The following B3GALT1 variants were observed in gnomAD, a reference collection of about 807,000 sequenced individuals.
B3GALT1 encodes UDP-Gal:betaGlcNAc beta 1,3-galactosyltransferase, polypeptide 1.
In B3GALT1, 10 loss-of-function variants were observed where a neutral mutation model predicts 23.2. The ratio of observed to expected loss-of-function variants is 0.43; its 90% CI spans 0.27 to 0.73. The LOEUF is 0.73. Ranked by LOEUF, B3GALT1 falls within the 30% of genes least tolerant of loss-of-function variation. B3GALT1 has a pLI of 0.21. For synonymous variants in B3GALT1, 156 were observed against 141.5 expected, an observed-to-expected ratio of 1.10 and a Z score of -0.73; for missense variants, 299 against 405.4, an observed-to-expected ratio of 0.74 and a Z score of 2.25.
chr2:167,684,754 T>C (rs1314246756), intron 3 of B3GALT1, among the ~76,000 whole-genome samples: 1 of 152,240 alleles, frequency 6.6e-6, no homozygotes, highest in African/African-American at 2.4e-5. Context: ...TGGAATTCTT[T>C]AACTTGAATA....
intron 3 of B3GALT1, among the ~76,000 whole-genome samples, chr2:167,808,690 G>A (rs575080934): frequency 0.01 from 1,579 of 151,760 alleles, 37 homozygotes; most frequent in South Asian, 0.023. Context: ...TGGGTAACCT[G>A]ACCTTTCTCT....
intron 1 of B3GALT1, among the ~76,000 whole-genome samples, chr2:167,306,205 A>G (rs1346854765): frequency 6.6e-6 from 1 of 152,080 alleles, no homozygotes; most frequent in East Asian, 1.9e-4. Context: ...CAATAGACTT[A>G]TGCACATACA....
intron 1 of B3GALT1, among the ~76,000 whole-genome samples, chr2:167,384,954 C>T (rs1697904909): frequency 6.6e-6 from 1 of 152,032 alleles, no homozygotes; most frequent in South Asian, 2.1e-4. Context: ...AAATCATCAG[C>T]AGTGTCCTCA....
intron 3 of B3GALT1, among the ~76,000 whole-genome samples, chr2:167,812,419 A>T (rs1688907741): frequency 6.6e-6 from 1 of 152,372 alleles, no homozygotes; most frequent in East Asian, 1.9e-4. Context: ...ACAAGGATCT[A>T]TCCCATTGTT....
At chr2:167,712,864 A>G (rs1687084089) in intron 3 of B3GALT1, among the ~76,000 whole-genome samples, 3 of 152,212 alleles carry the variant, frequency 2.0e-5, no homozygotes, top group Non-Finnish European at 4.4e-5. Context: ...AGAGATTTAG[A>G]AAAATAATGC....
intron 1 of B3GALT1, among the ~76,000 whole-genome samples, chr2:167,447,138 G>A (rs906112374): frequency 2.6e-5 from 4 of 152,196 alleles, no homozygotes; most frequent in African/African-American, 9.6e-5. Flanking sequence ...TCCAGACCCT[G>A]TTTGCCTGGG....
chr2:167,574,792 A>T (rs1684354596), intron 2 of B3GALT1, among the ~76,000 whole-genome samples: 1 of 151,790 alleles, frequency 6.6e-6, no homozygotes. Context: ...AAGAACAGAA[A>T]TGTTCTCTCT....
chr2:167,667,767 C>A (rs975543302), intron 3 of B3GALT1, among the ~76,000 whole-genome samples: 1 of 152,194 alleles, frequency 6.6e-6, no homozygotes, highest in Non-Finnish European at 1.5e-5. Flanking sequence ...GCATTCTTCA[C>A]GTAGTTCTCG....
chr2:167,651,667 T>C (rs1376695043), intron 3 of B3GALT1, among the ~76,000 whole-genome samples: 3 of 152,190 alleles, frequency 2.0e-5, no homozygotes, highest in Non-Finnish European at 4.4e-5. Context: ...AGACATGTTC[T>C]GTAAAAGATT....
intron 3 of B3GALT1, among the ~76,000 whole-genome samples, chr2:167,783,543 T>A (rs1169921182): frequency 1.3e-5 from 2 of 152,196 alleles, no homozygotes; most frequent in Admixed American, 1.3e-4. Context: ...CCACACAATT[T>A]TTTACCCTGA....
At chr2:167,347,276 G>T (rs999678084) in intron 1 of B3GALT1, among the ~76,000 whole-genome samples, 10 of 152,130 alleles carry the variant, frequency 6.6e-5, no homozygotes, top group East Asian at 3.9e-4. Flanking sequence ...GTCGAAAGGG[G>T]TATCTTTAAG....
At chr2:167,475,254 C>T (rs951032012) in intron 1 of B3GALT1, among the ~76,000 whole-genome samples, 1 of 152,088 alleles carries the variant, frequency 6.6e-6, no homozygotes, top group Non-Finnish European at 1.5e-5. Flanking sequence ...CCAGCATATC[C>T]ACACTGGAGA....
At chr2:167,447,964 C>G (rs143257479) in intron 1 of B3GALT1, among the ~76,000 whole-genome samples, 1 of 152,182 alleles carries the variant, frequency 6.6e-6, no homozygotes, top group South Asian at 2.1e-4. Context: ...TAGACTGGAG[C>G]TGTTCCTATT....
At chr2:167,456,919 T>C (rs1164673369) in intron 1 of B3GALT1, among the ~76,000 whole-genome samples, 1 of 152,130 alleles carries the variant, frequency 6.6e-6, no homozygotes, top group Non-Finnish European at 1.5e-5. Context: ...TCATTGGTAA[T>C]TAACTCAAAC....
intron 1 of B3GALT1, among the ~76,000 whole-genome samples, chr2:167,451,777 C>G (rs971971606): frequency 1.3e-5 from 2 of 152,162 alleles, no homozygotes; most frequent in African/African-American, 4.8e-5. Context: ...TCTTTGGCTA[C>G]CAGGGCGGGT....
At chr2:167,406,135 C>G (rs1330682883) in intron 1 of B3GALT1, among the ~76,000 whole-genome samples, 1 of 151,818 alleles carries the variant, frequency 6.6e-6, no homozygotes, top group Non-Finnish European at 1.5e-5. Flanking sequence ...TTTGACCCTA[C>G]TTTATACCAT....
At chr2:167,801,586 A>G (rs1688639688) in intron 3 of B3GALT1, among the ~76,000 whole-genome samples, 1 of 152,204 alleles carries the variant, frequency 6.6e-6, no homozygotes. Context: ...CAATCTAGGT[A>G]AGAGTGTGTT....
intron 3 of B3GALT1, among the ~76,000 whole-genome samples, chr2:167,809,061 T>C (rs151211736): frequency 0.024 from 3,724 of 152,340 alleles, 74 homozygotes; most frequent in South Asian, 0.069. Flanking sequence ...TACCCTTTCT[T>C]TCAGTTGATC....
At chr2:167,557,674 A>T (rs889348641) in intron 2 of B3GALT1, among the ~76,000 whole-genome samples, 6 of 152,168 alleles carry the variant, frequency 3.9e-5, no homozygotes, top group Admixed American at 2.0e-4. Flanking sequence ...AATGTATAAT[A>T]TGTTTTTCTT....
Sources: allele counts gnomAD v4.1 joint callset (sites outside exome capture counted in the v4.1 genomes callset), GRCh38; gene constraint gnomAD v4.1.1; transcripts MANE v1.5; gene names NCBI Gene and HGNC (gene_info 2026-07-23, HGNC 2026-07-21).